SEMA5A: variants seen among roughly 807,000 people sequenced by gnomAD.
SEMA5A encodes the protein semaphorin 5A, also known as semaphorin-5A.
A neutral mutation model predicts 135.5 loss-of-function variants in SEMA5A; 55 were observed. The ratio of observed to expected loss-of-function variants is 0.41; its 90% CI spans 0.33 to 0.51. The LOEUF (loss-of-function observed/expected upper bound fraction) is 0.51, where lower values mean the gene tolerates loss of function less well. Among genes scored for constraint, SEMA5A ranks in the 20% least tolerant of loss-of-function variants. The pLI is 0.37. For synonymous variants in SEMA5A, 580 were observed against 546.5 expected, an observed-to-expected ratio of 1.06 and a Z score of -0.85; for missense variants, 1,290 against 1,419.9, an observed-to-expected ratio of 0.91 and a Z score of 1.47.
intron 5 of SEMA5A, among the ~76,000 whole-genome samples, chr5:9,276,995 CA>C (rs1750296952): frequency 1.3e-5 from 2 of 152,058 alleles, no homozygotes; most frequent in African/African-American, 4.8e-5. Context: ...TTCTGCACAG[CA>C]AAAGAAACTA....
At chr5:9,326,195 G>C (rs1030965319) in intron 4 of SEMA5A, among the ~76,000 whole-genome samples, 1 of 152,134 alleles carries the variant, frequency 6.6e-6, no homozygotes, top group African/African-American at 2.4e-5. Context: ...AACTTTTCAA[G>C]TATAGTGACA....
At chr5:9,098,524 T>C (rs253644) in intron 16 of SEMA5A, among the ~76,000 whole-genome samples, 64,993 of 152,014 alleles carry the variant, frequency 0.43, 14,997 homozygotes, top group African/African-American at 0.59. Context: ...AAGAATATTG[T>C]CTGATTGTTT....
chr5:9,542,718 G>A (rs1275479668), intron 1 of SEMA5A, among the ~76,000 whole-genome samples: 7 of 152,178 alleles, frequency 4.6e-5, no homozygotes, highest in African/African-American at 1.7e-4. Flanking sequence ...ATTGCAGGAT[G>A]TACGGCTGCT....
intron 1 of SEMA5A, among the ~76,000 whole-genome samples, chr5:9,495,725 T>G (rs1735270008): frequency 6.6e-6 from 1 of 152,194 alleles, no homozygotes; most frequent in Non-Finnish European, 1.5e-5. Flanking sequence ...AGCAAACCCA[T>G]TTTCTTTACA....
intron 3 of SEMA5A, among the ~76,000 whole-genome samples, chr5:9,356,286 G>A (rs564748223): frequency 3.9e-5 from 6 of 152,290 alleles, no homozygotes; most frequent in African/African-American, 1.4e-4. Context: ...CCCACGTTCC[G>A]TATATTAGAA....
At chr5:9,166,351 T>C (rs1560981433) in intron 11 of SEMA5A, among the ~76,000 whole-genome samples, 2 of 152,110 alleles carry the variant, frequency 1.3e-5, no homozygotes, top group Admixed American at 1.3e-4. Flanking sequence ...TCACAGGCCG[T>C]GTGACCGAGC....
At chr5:9,375,271 G>A (rs1205720) in intron 3 of SEMA5A, among the ~76,000 whole-genome samples, 91,245 of 151,820 alleles carry the variant, frequency 0.6, 27,598 homozygotes, top group Admixed American at 0.66. Flanking sequence ...ATTTGGAAAC[G>A]GCACCTTTGC....
chr5:9,186,829 G>C lies in SEMA5A; in HGVS notation c.1273+3438C>G, dbSNP rs145571907. ...TGTTTTCTTTATTCTAGAAATATCTGAATTATTCTAGATTTTTTTCAAATA... is the reference window on the plus strand; with the variant it reads ...TGTTTTCTTTATTCTAGAAATATCTCAATTATTCTAGATTTTTTTCAAATA... On this transcript the variant is annotated intron_variant, in intron 11 of 22. Coordinates refer to ENST00000382496, the MANE Select transcript of SEMA5A (RefSeq NM_003966.3). 4.3e-4 allele frequency among the ~76,000 whole-genome samples: 65 copies of C among 152,164 alleles called. 1 individual carries two copies. The East Asian group carries it at 0.012, about 28-fold the overall frequency.
chr5:9,171,961 T>C (rs1232747874), intron 11 of SEMA5A, among the ~76,000 whole-genome samples: 1 of 152,082 alleles, frequency 6.6e-6, no homozygotes, highest in African/African-American at 2.4e-5. Context: ...CTTGAGAAGA[T>C]GTCAAAGGCC....
chr5:9,134,987 T>A (rs927850855), intron 13 of SEMA5A, among the ~76,000 whole-genome samples: 5 of 152,078 alleles, frequency 3.3e-5, no homozygotes, highest in African/African-American at 1.2e-4. Flanking sequence ...AAATAATAGA[T>A]CTGAAGTTAA....
chr5:9,348,187 C>G (rs1753960563), intron 3 of SEMA5A, among the ~76,000 whole-genome samples: 1 of 152,132 alleles, frequency 6.6e-6, no homozygotes. Flanking sequence ...GCTAGAGTTG[C>G]CTTCCCTTTT....
chr5:9,434,156 G>A (rs909212493), intron 2 of SEMA5A, among the ~76,000 whole-genome samples: 1 of 152,142 alleles, frequency 6.6e-6, no homozygotes, highest in Non-Finnish European at 1.5e-5. Flanking sequence ...ACATTACAGT[G>A]CCTTTACACG....
intron 16 of SEMA5A, among the ~76,000 whole-genome samples, chr5:9,098,073 G>C (rs149074748): frequency 2.0e-5 from 3 of 151,824 alleles, no homozygotes; most frequent in African/African-American, 4.8e-5. Context: ...GTGAAACCCC[G>C]TCTCTACTAA....
intron 2 of SEMA5A, 197 bp from the exon 3 acceptor site, chr5:9,380,220 A>G (rs1755539413): frequency 2.6e-6 from 1 of 379,552 alleles, no homozygotes; most frequent in South Asian, 4.5e-5. Context: ...GAGTGCGTGT[A>G]TCTCAATACA....
chr5:9,050,415 C>G lies in SEMA5A; in HGVS notation c.2888G>C (p.Cys963Ser), dbSNP rs377540107. ...ACTTAAAAGGAATAACGTACCTCCA[C>G]ACCTTTTCTCTTCTACGCTACTGGA... ...ARSSSVEEKRCGEFNMFHMIA... is the reference protein window; with the variant it reads ...ARSSSVEEKRSGEFNMFHMIA... Residue 963 changes from cysteine to serine, a missense_variant, in exon 21 of 23, where the codon TGT becomes TCT. Coordinates refer to ENST00000382496, the MANE Select transcript of SEMA5A (RefSeq NM_003966.3). 12 of 1,612,172 alleles carry G rather than the reference C, an allele frequency of 7.4e-6. No individual in the cohort carries two copies. Among genetic ancestry groups the G allele is most frequent in the Non-Finnish European group, 2.5e-6 (3 of 1,179,192 alleles).
At chr5:9,172,717 CAAT>C (rs932788897) in intron 11 of SEMA5A, among the ~76,000 whole-genome samples, 2 of 152,124 alleles carry the variant, frequency 1.3e-5, no homozygotes, top group African/African-American at 4.8e-5. Context: ...TAATTTCAGA[CAAT>C]AATGCTCAAT....
At position 9,154,545 on chromosome 5, in the gene SEMA5A, A is replaced by G. The variant is rs1279884245; in HGVS notation, c.1424T>C (p.Leu475Pro). ...GGGGATCTTGACCACGTGCTCCCGC[A>G]GGCCCACGAACAGGACACTCTGGCT... ...LHSQSVLFVG[L>P]REHVVKIPLK... is the part of the protein sequence containing the mutation. Residue 475 changes from leucine (L) to proline (P), a missense_variant, in exon 12 of 23, where the codon CTG becomes CCG. Physicochemically the swap from Leu to Pro is moderately conservative, Grantham distance 98. Around this residue, in one of 3 missense-constraint regions of SEMA5A, gnomAD observed 1,029 missense variants for 1,086.6 expected, o/e 0.95. Transcript: ENST00000382496. The G allele has an allele frequency of 6.2e-7, 1 of 1,612,886 alleles. No homozygotes were observed. Among genetic ancestry groups the G allele is most frequent in the Non-Finnish European group, 8.5e-7 (1 of 1,179,960 alleles).
intron 3 of SEMA5A, among the ~76,000 whole-genome samples, chr5:9,369,823 G>C (rs571647141): frequency 6.6e-6 from 1 of 151,200 alleles, no homozygotes; most frequent in South Asian, 2.1e-4. Context: ...AGGCATACCT[G>C]GTTATCATTA....
At chr5:9,199,349 A>G (rs1745580868) in intron 9 of SEMA5A, among the ~76,000 whole-genome samples, 1 of 151,614 alleles carries the variant, frequency 6.6e-6, no homozygotes, top group Non-Finnish European at 1.5e-5. Flanking sequence ...CTGCCCCTCT[A>G]CCCTTTCACT....
Sources: allele counts gnomAD v4.1 joint callset (sites outside exome capture counted in the v4.1 genomes callset), GRCh38; gene constraint gnomAD v4.1.1; regional missense constraint gnomAD v4.1.1; transcripts MANE v1.5; gene names NCBI Gene and HGNC (gene_info 2026-07-23, HGNC 2026-07-21).